Variants in IRF6 observed in about 807,000 individuals in gnomAD.
The protein encoded by IRF6 is Van der Woude syndrome.
Under a neutral mutation model 51.4 loss-of-function variants are expected in IRF6, and 6 were observed. That is an observed-to-expected ratio of 0.12 (90% CI 0.06 to 0.23). IRF6 has a LOEUF of 0.23. Ranked by LOEUF, IRF6 falls within the 10% of genes least tolerant of loss-of-function variation. The pLI, the probability that IRF6 is intolerant of heterozygous loss-of-function variation, is 1.00. For synonymous variants in IRF6, 178 were observed against 215.7 expected (o/e 0.83, Z 1.53); for missense variants, 348 against 585.2 (o/e 0.59, Z 4.18).
At chr1:209,792,024 A>G (rs555580365) in intron 6 of IRF6, among the ~76,000 whole-genome samples, 45 of 151,666 alleles carry the variant, frequency 3.0e-4, no homozygotes, top group Non-Finnish European at 4.7e-4. Context: ...GGCCTCAAGC[A>G]CTCCTCCCAC....
In IRF6 at chr1:209,790,742, C is replaced by T; in HGVS notation, c.813G>A (p.Leu271=). ...CAGGACCTGGGAATTTGACCTGCTC[C>T]AGGCTGACGGGACCAAAGAGCTCCT... is the stretch of plus-strand genomic sequence containing the variant. ...DQEELFGPVS[L]EQVKFPGPEH... Residue 271 remains leucine (L), a synonymous_variant, in exon 7 of 9, where the codon CTG becomes CTA. Transcript: ENST00000367021. This position sits in a 1 kb window ranked among gnomAD's most constrained non-coding sequence, Gnocchi z 4.8. The T allele has an allele frequency of 6.2e-7, 1 of 1,614,186 alleles. No individual in the cohort carries two copies.
At position 209,790,875 on chromosome 1, in the gene IRF6, T is replaced by C; in HGVS notation, c.680A>G (p.Asp227Gly). 6.2e-7 allele frequency: 1 copy of C among 1,612,566 alleles called. No homozygotes were observed. Among genetic ancestry groups the C allele is most frequent in the African/African-American group, 1.3e-5 (1 of 74,998 alleles). ...WISSLPMTDL[D>G]IKFQYRGKEY... ...CTTCCCACGGTACTGAAACTTGATG[T>C]CCAGGTCAGTCACTGCAAGGTTAGA... is the stretch of plus-strand genomic sequence containing the variant. The change falls in exon 7 of 9, where the codon GAC (aspartate) becomes GGC (glycine). Residue 227 changes from aspartate (D) to glycine (G), a missense_variant. This residue lies in a region of IRF6 where 125 missense variants were observed against 222.0 expected (regional missense o/e 0.56). Coordinates refer to ENST00000367021, the MANE Select transcript of IRF6 (RefSeq NM_006147.4). This position sits in a 1 kb window ranked among gnomAD's most constrained non-coding sequence, Gnocchi z 4.8.
chr1:209,792,604 T>G lies in IRF6; in HGVS notation c.509-177A>C, dbSNP rs2077876147. ...AACGCAATAAGAAATAAGGTTCCCC[T>G]GCTCCTGCTTCCTAGTCATATTATT... On this transcript the variant is annotated intron_variant, in intron 5 of 8. Transcript: ENST00000367021. 3 of 640,654 alleles carry G rather than the reference T, an allele frequency of 4.7e-6. No homozygotes were observed. In the East Asian group the frequency reaches 8.2e-5, roughly 18 times the overall value. The allele number at this position is 640,654 out of a possible 1,614,324, so 39.7% of individuals were successfully genotyped here.
intron 3 of IRF6, among the ~76,000 whole-genome samples, chr1:209,798,213 CAGACA>C (rs1281665485): frequency 6.6e-6 from 1 of 152,230 alleles, no homozygotes; most frequent in African/African-American, 2.4e-5. Context: ...GGTGGCTGAG[CAGACA>C]CTAGGGGGCC....
chr1:209,801,237 T>C lies in IRF6; in HGVS notation c.174+3A>G, dbSNP rs745449925. On this transcript the variant is annotated splice_donor_region_variant and intron_variant, in intron 3 of 8. Transcript: ENST00000367021. ...AGGTCTGATGGTAGAAGAAGTCCTT[T>C]ACCTTAAAAATGGTATTTTCCTCTT... is the stretch of plus-strand genomic sequence containing the variant. 6.2e-7 allele frequency: 1 copy of C among 1,610,322 alleles called. No homozygotes were observed. The highest frequency in any genetic ancestry group is 1.7e-5 in the Admixed American group (1 of 59,986).
rs887763156 is a variant in IRF6 at position 209,790,244 on chromosome 1, A to G, written c.1060+251T>C. Among the ~76,000 whole-genome samples the G allele has an allele frequency of 3.3e-5, 5 of 152,258 alleles. No homozygotes were observed. On this transcript the variant is annotated intron_variant, in intron 7 of 8. Transcript: ENST00000367021. This position sits in a 1 kb window ranked among gnomAD's most constrained non-coding sequence, Gnocchi z 4.8. ...GACAGGGCTGTCTCCCTCTTCTGCC[A>G]TTGAAGGAGCCACAACCAACTTAAA...
chr1:209,792,671 A>G, intron 5 of IRF6: 1 of 556,408 alleles, frequency 1.8e-6, no homozygotes, highest in Non-Finnish European at 3.2e-6. Flanking sequence ...TGTTTGCTGA[A>G]GATTAACATA....
chr1:209,791,482 C>T (rs1406215810), intron 6 of IRF6, among the ~76,000 whole-genome samples: 1 of 152,172 alleles, frequency 6.6e-6, no homozygotes, highest in Non-Finnish European at 1.5e-5. Flanking sequence ...CACTCACATG[C>T]CTACCATATG....
At position 209,789,687 on chromosome 1, in the gene IRF6, T is replaced by C; in HGVS notation, c.1159A>G (p.Arg387Gly). 1 of 1,613,126 alleles carries C rather than the reference T, an allele frequency of 6.2e-7. No individual in the cohort carries two copies. Among genetic ancestry groups the C allele is most frequent in the Non-Finnish European group, 8.5e-7 (1 of 1,179,070 alleles). ...EEWPDGKPLE[R>G]KLILVQVIPV... is the part of the protein sequence containing the mutation. ...CTCACCTGAACCAAGATGAGTTTCC[T>C]TTCCAATGGTTTCCCATCTGGCCAT... Residue 387 changes from arginine to glycine, a missense_variant, in exon 8 of 9, where the codon AGG becomes GGG. Physicochemically the swap from Arg to Gly is moderately radical, Grantham distance 125. Coordinates refer to ENST00000367021, the MANE Select transcript of IRF6 (RefSeq NM_006147.4).
chr1:209,785,645 A>T lies in IRF6; in HGVS notation c.*2775T>A, dbSNP rs1454238273. 6.6e-6 allele frequency: 1 copy of T among 152,222 alleles called. No individual in the cohort carries two copies. The highest frequency in any genetic ancestry group is 2.1e-4 in the South Asian group (1 of 4,834). 9.4% of individuals were successfully genotyped at this position (152,222 alleles called of 1,614,324 possible). On this transcript the variant is annotated 3_prime_UTR_variant, in exon 9 of 9. Coordinates refer to ENST00000367021, the MANE Select transcript of IRF6 (RefSeq NM_006147.4). ...TAGAACGTTTTCCTTCCCCGCATTTATTTAATTTTCCCATGGTGGTTAACA... is the reference window on the plus strand; with the variant it reads ...TAGAACGTTTTCCTTCCCCGCATTTTTTTAATTTTCCCATGGTGGTTAACA...
At chr1:209,793,753 T>C (rs541077880) in intron 5 of IRF6, among the ~76,000 whole-genome samples, 3 of 152,306 alleles carry the variant, frequency 2.0e-5, no homozygotes, top group Admixed American at 6.5e-5. Flanking sequence ...CCAGTGTCTA[T>C]TGTTCCCTTC....
chr1:209,801,544 T>A, intron 2 of IRF6, 128 bp from the exon 3 acceptor site: 1 of 755,368 alleles, frequency 1.3e-6, no homozygotes, highest in Non-Finnish European at 2.1e-6. Flanking sequence ...AAACTAAATA[T>A]GGGAATAAGC....
chr1:209,802,363 C>T (rs564911056), intron 1 of IRF6, among the ~76,000 whole-genome samples: 2 of 152,176 alleles, frequency 1.3e-5, no homozygotes, highest in Non-Finnish European at 2.9e-5. Context: ...TGTAAAAATA[C>T]ATGGGCATAG....
chr1:209,804,468 C>A (rs1453655408), intron 1 of IRF6, among the ~76,000 whole-genome samples: 1 of 152,152 alleles, frequency 6.6e-6, no homozygotes, highest in African/African-American at 2.4e-5. Flanking sequence ...TGCATAACAT[C>A]CACTCTCAAA....
Position 209,788,057 on chromosome 1 carries a change from C to T in IRF6, c.*363G>A. On this transcript the variant is annotated 3_prime_UTR_variant, in exon 9 of 9. Coordinates refer to ENST00000367021, the MANE Select transcript of IRF6 (RefSeq NM_006147.4). The stretch of plus-strand genomic sequence containing the variant: ...TTCTAAAGCTGGATGCAATTTCAGG[C>T]ACTACTCCAATCTCTTCACTTTATA... The T allele has an allele frequency of 3.6e-6, 1 of 276,498 alleles. No individual in the cohort carries two copies. Among genetic ancestry groups the T allele is most frequent in the Non-Finnish European group, 7.0e-6 (1 of 143,594 alleles). The allele number at this position is 276,498 out of a possible 1,614,324, so 17.1% of individuals were successfully genotyped here.
Position 209,786,288 on chromosome 1 carries a change from C to G in IRF6, c.*2132G>C, listed in dbSNP as rs1558037305. The G allele has an allele frequency of 2.0e-5, 3 of 152,254 alleles. No individual in the cohort carries two copies. Among genetic ancestry groups the G allele is most frequent in the African/African-American group, 4.8e-5 (2 of 41,470 alleles). The allele number at this position is 152,254 out of a possible 1,614,324, so 9.4% of individuals were successfully genotyped here. On this transcript the variant is annotated 3_prime_UTR_variant, in exon 9 of 9. Coordinates refer to ENST00000367021, the MANE Select transcript of IRF6 (RefSeq NM_006147.4). ...ACCGGGGTATCTAGTTAAGACCTCA[C>G]AAATCACTCATCCATTCCTCTGACA...
chr1:209,805,861 C>A (rs971270099), intron 1 of IRF6, 86 bp downstream of exon 1: 2 of 152,366 alleles, frequency 1.3e-5, no homozygotes, highest in Admixed American at 1.3e-4. Flanking sequence ...TCTCTCACCC[C>A]CTACAAACTC....
rs950263616 is a variant in IRF6, at chr1:209,785,930, G to C, written c.*2490C>G. The C allele has an allele frequency of 6.6e-6, 1 of 152,178 alleles. No homozygotes were observed. Among genetic ancestry groups the C allele is most frequent in the Non-Finnish European group, 1.5e-5 (1 of 68,038 alleles). 9.4% of individuals were successfully genotyped at this position (152,178 alleles called of 1,614,324 possible). A position where few individuals can be genotyped will look rare whatever the true frequency, so the allele number is the denominator to read the frequency against. Reference sequence around the variant, plus strand: ...ATTTTATGGGAAAGGGACCAGCCCAGATCCAACACTTGCTCTCCCAGTTTA... The same window carrying C: ...ATTTTATGGGAAAGGGACCAGCCCACATCCAACACTTGCTCTCCCAGTTTA... On this transcript the variant is annotated 3_prime_UTR_variant, in exon 9 of 9. Transcript: ENST00000367021.
intron 4 of IRF6, among the ~76,000 whole-genome samples, chr1:209,795,843 T>C (rs936434384): frequency 5.3e-5 from 8 of 152,244 alleles, no homozygotes; most frequent in African/African-American, 1.9e-4. Context: ...AAAAATTTTT[T>C]TAACAGATCA....
Sources: allele counts gnomAD v4.1 joint callset (sites outside exome capture counted in the v4.1 genomes callset), GRCh38; gene constraint gnomAD v4.1.1; regional missense constraint gnomAD v4.1.1; non-coding constraint Gnocchi (gnomAD v3.1); transcripts MANE v1.5; gene names NCBI Gene and HGNC (gene_info 2026-07-23, HGNC 2026-07-21).